Variants in ISM2 observed in about 807,000 individuals in gnomAD.
ISM2 encodes isthmin 2.
Under a neutral mutation model 58.0 loss-of-function variants are expected in ISM2, and 50 were observed. That is an observed-to-expected ratio of 0.86 (90% CI 0.69 to 1.09). ISM2 has a LOEUF of 1.09. Among genes scored for constraint, ISM2 ranks in the 50% least tolerant of loss-of-function variants. ISM2 has a pLI of 0.00. For missense variants in ISM2, 723 were observed against 745.0 expected (o/e 0.97, Z 0.34); for synonymous variants, 303 against 312.4 (o/e 0.97, Z 0.32).
At position 77,498,287 on chromosome 14, in the gene ISM2, G is replaced by C. The variant is rs767408572; in HGVS notation, c.141+366C>G. 3.0e-6 allele frequency: 4 copies of C among 1,327,842 alleles called. 1 individual carries two copies. The highest frequency in any genetic ancestry group is 2.5e-5 in the South Asian group (2 of 81,308). The allele number at this position is 1,327,842 out of a possible 1,614,324, so 82.3% of individuals were successfully genotyped here. A position where few individuals can be genotyped will look rare whatever the true frequency, so the allele number is the denominator to read the frequency against. ...CGCAAAGCGCCAGATTCCTCGCACCGGCGGGACTCCTCTCCGAGCTAGCGC... is the reference window on the plus strand; with the variant it reads ...CGCAAAGCGCCAGATTCCTCGCACCCGCGGGACTCCTCTCCGAGCTAGCGC... On this transcript the variant is annotated intron_variant, in intron 1 of 6. Coordinates refer to ENST00000342219, the MANE Select transcript of ISM2 (RefSeq NM_199296.3).
At chr14:77,484,082 T>C (rs547247736) in intron 3 of ISM2, 2 of 447,778 alleles carry the variant, frequency 4.5e-6, no homozygotes, top group African/African-American at 2.0e-5. Context: ...TCTCTTGCCA[T>C]GGTCTAGAGA....
At chr14:77,497,211 T>C (rs1042219580) in intron 1 of ISM2, among the ~76,000 whole-genome samples, 1 of 150,970 alleles carries the variant, frequency 6.6e-6, no homozygotes, top group African/African-American at 2.4e-5. Flanking sequence ...CTACTAAAAA[T>C]ACAAAAATTA....
At chr14:77,484,282 C>G in intron 3 of ISM2, 41 bp downstream of exon 3, 1 of 1,594,874 alleles carries the variant, frequency 6.3e-7, no homozygotes, top group Non-Finnish European at 8.5e-7. Context: ...CCGCTCCTCT[C>G]CGGGTGTCTG....
chr14:77,488,094 CATCT>C (rs1395742391), intron 1 of ISM2, among the ~76,000 whole-genome samples: 1 of 152,196 alleles, frequency 6.6e-6, no homozygotes, highest in Non-Finnish European at 1.5e-5. Flanking sequence ...ATTTCCATGC[CATCT>C]GTCACTTTTT....
At chr14:77,488,239 C>G (rs945953903) in intron 1 of ISM2, among the ~76,000 whole-genome samples, 5 of 152,156 alleles carry the variant, frequency 3.3e-5, no homozygotes, top group African/African-American at 1.2e-4. Flanking sequence ...CAAATGAACA[C>G]CAGCAACCCT....
chr14:77,475,652 G>A lies in ISM2; in HGVS notation c.1659C>T (p.Thr553=), dbSNP rs1439878567. The change falls in exon 7 of 7, where the codon ACC becomes ACT. Residue 553 remains threonine, a synonymous_variant. Coordinates refer to ENST00000342219, the MANE Select transcript of ISM2 (RefSeq NM_199296.3). This position sits in a 1 kb window ranked among gnomAD's most constrained non-coding sequence, Gnocchi z 4.1. The stretch of plus-strand genomic sequence containing the variant: ...GGTACTCCTCCTCCAGGGGGTTGTC[G>A]GTGCAGGCTCGGCCGTTGTTGGGAG... The part of the protein sequence containing the change: ...VLPPNNGRAC[T]DNPLEEEYLA... The A allele has an allele frequency of 1.6e-5, 26 of 1,612,340 alleles. No individual in the cohort carries two copies. The highest frequency in any genetic ancestry group is 2.7e-5 in the African/African-American group (2 of 74,916).
intron 1 of ISM2, among the ~76,000 whole-genome samples, chr14:77,496,760 G>A (rs148156169): frequency 4.2e-5 from 5 of 118,976 alleles, no homozygotes; most frequent in African/African-American, 1.6e-4. Context: ...TTGTGCCACC[G>A]CATTCCAGCC....
At chr14:77,478,740 G>T (rs745630632) in intron 4 of ISM2, 25 bp from the exon 5 acceptor site, 17 of 1,601,652 alleles carry the variant, frequency 1.1e-5, no homozygotes, top group Non-Finnish European at 1.2e-5. Context: ...GGAGTTGGGG[G>T]TGAGTGCATA....
At position 77,476,173 on chromosome 14, in the gene ISM2, G is replaced by A. The variant is rs558365709; in HGVS notation, c.1199-61C>T. The stretch of plus-strand genomic sequence containing the variant: ...TGACAGAGCCAGGCCCGTGTGGGGC[G>A]GGGACTGATTAAGGGCCAGTGCATG... On this transcript the variant is annotated intron_variant, in intron 6 of 6. Transcript: ENST00000342219. 219 of 1,486,152 alleles carry A rather than the reference G, an allele frequency of 1.5e-4. 1 individual carries two copies. The South Asian group carries it at 2.7e-3, about 18-fold the overall frequency. 92.1% of individuals were successfully genotyped at this position (1,486,152 alleles called of 1,614,324 possible).
chr14:77,492,654 G>A (rs1243525191), intron 1 of ISM2, among the ~76,000 whole-genome samples: 17 of 151,594 alleles, frequency 1.1e-4, no homozygotes. Context: ...AGCACTATAG[G>A]CATGCACTAC....
intron 4 of ISM2, among the ~76,000 whole-genome samples, chr14:77,480,116 C>T (rs565920271): frequency 2.0e-5 from 3 of 152,028 alleles, no homozygotes; most frequent in South Asian, 4.2e-4. Flanking sequence ...CTCAGGAGTT[C>T]GAGACCAGCC....
chr14:77,489,339 G>A (rs1438552124), intron 1 of ISM2, among the ~76,000 whole-genome samples: 2 of 152,182 alleles, frequency 1.3e-5, no homozygotes, highest in African/African-American at 4.8e-5. Context: ...TCATGCTGGT[G>A]GGAGGTGCTG....
At chr14:77,498,545 G>A (rs932534219) in intron 1 of ISM2, 108 bp downstream of exon 1, 19 of 1,384,760 alleles carry the variant, frequency 1.4e-5, no homozygotes, top group Non-Finnish European at 1.8e-5. Flanking sequence ...CCATCGGGGG[G>A]TCGCTGCCTG....
chr14:77,495,575 A>G (rs1230548004), intron 1 of ISM2, among the ~76,000 whole-genome samples: 3 of 152,182 alleles, frequency 2.0e-5, no homozygotes, highest in Non-Finnish European at 2.9e-5. Flanking sequence ...ATCTGTCTAC[A>G]ACAGTCATTC....
intron 4 of ISM2, among the ~76,000 whole-genome samples, chr14:77,479,848 C>T (rs578125958): frequency 3.3e-5 from 5 of 151,964 alleles, no homozygotes; most frequent in African/African-American, 7.2e-5. Flanking sequence ...TTTGTAGAGA[C>T]GGGGTTTCAC....
rs2139959797 is a variant in ISM2 at position 77,482,516 on chromosome 14, C to T, written c.779G>A (p.Arg260Lys). ...TTCCTCCCCCTTCTCCCCTGGGGCC[C>T]TGTCTTTTTCCTCTCCTTTGTAGTC... is the stretch of plus-strand genomic sequence containing the variant. The part of the protein sequence containing the change: ...WGDYKGEEKD[R>K]APGEKGEEKE... The change falls in exon 4 of 7, where the codon AGG becomes AAG. Residue 260 changes from arginine to lysine, a missense_variant. By Grantham distance (26) the Arg-to-Lys change is conservative. Transcript: ENST00000342219. The T allele has an allele frequency of 6.2e-7, 1 of 1,614,164 alleles. No individual in the cohort carries two copies. The highest frequency in any genetic ancestry group is 8.5e-7 in the Non-Finnish European group (1 of 1,180,014).
chr14:77,480,162 T>C (rs1265973671), intron 4 of ISM2, among the ~76,000 whole-genome samples: 1 of 151,854 alleles, frequency 6.6e-6, no homozygotes, highest in African/African-American at 2.4e-5. Flanking sequence ...CTACAAAAAA[T>C]GTTTAAAAAG....
At chr14:77,481,804 AAAG>A (rs1483554601) in intron 4 of ISM2, among the ~76,000 whole-genome samples, 1 of 122,288 alleles carries the variant, frequency 8.2e-6, no homozygotes, top group African/African-American at 2.5e-5. Context: ...GTTCAGAAAA[AAAG>A]AAAAAAAAAA....
chr14:77,496,630 T>G (rs548462967), intron 1 of ISM2, among the ~76,000 whole-genome samples: 3 of 145,122 alleles, frequency 2.1e-5, no homozygotes, highest in Admixed American at 1.4e-4. Context: ...AACCCTGTCT[T>G]GACTAAAAAT....
Sources: allele counts gnomAD v4.1 joint callset (sites outside exome capture counted in the v4.1 genomes callset), GRCh38; gene constraint gnomAD v4.1.1; non-coding constraint Gnocchi (gnomAD v3.1); transcripts MANE v1.5; gene names NCBI Gene and HGNC (gene_info 2026-07-23, HGNC 2026-07-21).